PRKAR2B: variants seen among roughly 807,000 people sequenced by gnomAD.
PRKAR2B encodes cAMP-dependent protein kinase type II-beta regulatory subunit.
In PRKAR2B, 14 loss-of-function variants were observed where a neutral mutation model predicts 49.9. That is an observed-to-expected ratio of 0.28 (90% CI 0.19 to 0.44). The LOEUF is 0.44. Ranked by LOEUF, PRKAR2B falls within the 20% of genes least tolerant of loss-of-function variation. PRKAR2B has a pLI of 1.00. For missense variants in PRKAR2B, 393 were observed against 537.9 expected, an observed-to-expected ratio of 0.73 and a Z score of 2.67; for synonymous variants, 196 against 197.7, an observed-to-expected ratio of 0.99 and a Z score of 0.07.
At chr7:107,073,946 C>T (rs1303744791) in intron 2 of PRKAR2B, among the ~76,000 whole-genome samples, 1 of 151,968 alleles carries the variant, frequency 6.6e-6, no homozygotes, top group Non-Finnish European at 1.5e-5. Flanking sequence ...CCTATAGTCC[C>T]AGTTACTCGG....
At chr7:107,113,425 A>T (rs1369964337) in intron 2 of PRKAR2B, among the ~76,000 whole-genome samples, 1 of 152,206 alleles carries the variant, frequency 6.6e-6, no homozygotes, top group African/African-American at 2.4e-5. Flanking sequence ...CTTAAAATTC[A>T]TAATGTTCAT....
intron 2 of PRKAR2B, among the ~76,000 whole-genome samples, chr7:107,093,960 C>T (rs1160669282): frequency 5.3e-5 from 8 of 152,112 alleles, no homozygotes; most frequent in South Asian, 2.1e-4. Flanking sequence ...TGAATAGTGC[C>T]GCAATAAACA....
intron 1 of PRKAR2B, among the ~76,000 whole-genome samples, chr7:107,057,011 A>C (rs1793928398): frequency 6.6e-6 from 1 of 152,172 alleles, no homozygotes; most frequent in Non-Finnish European, 1.5e-5. Flanking sequence ...GCATCTGCTT[A>C]TGTGAACTCT....
chr7:107,072,207 T>C (rs990942585), intron 2 of PRKAR2B, among the ~76,000 whole-genome samples: 1 of 151,772 alleles, frequency 6.6e-6, no homozygotes, highest in African/African-American at 2.4e-5. Flanking sequence ...TAATAAGAAA[T>C]GTCAGTGAAA....
intron 2 of PRKAR2B, among the ~76,000 whole-genome samples, chr7:107,116,919 GTATATGTATGTGTGTATA>G (rs1187038075): frequency 2.3e-4 from 34 of 148,316 alleles, no homozygotes; most frequent in Non-Finnish European, 3.6e-4. Flanking sequence ...ATATATATGT[GTATATGTATGTGTGTATA>G]TATATGTGTG....
intron 2 of PRKAR2B, among the ~76,000 whole-genome samples, chr7:107,092,270 C>CATGTGTCT (rs1236036941): frequency 2.7e-5 from 3 of 110,742 alleles, no homozygotes; most frequent in Admixed American, 9.2e-5. Flanking sequence ...TGTGTGTGTG[C>CATGTGTCT]GTGTGTCTGT....
intron 1 of PRKAR2B, among the ~76,000 whole-genome samples, chr7:107,057,801 C>A (rs943402813): frequency 6.6e-6 from 1 of 151,482 alleles, no homozygotes; most frequent in Non-Finnish European, 1.5e-5. Flanking sequence ...AGGAAACAAA[C>A]AAATACAAGT....
chr7:107,118,376 T>G (rs1455081627), intron 2 of PRKAR2B, among the ~76,000 whole-genome samples: 2 of 151,998 alleles, frequency 1.3e-5, no homozygotes, highest in African/African-American at 4.8e-5. Flanking sequence ...ACAAGTACAT[T>G]ATTGTGAGAT....
chr7:107,070,597 G>C (rs1794247161), intron 2 of PRKAR2B, among the ~76,000 whole-genome samples: 2 of 152,294 alleles, frequency 1.3e-5, no homozygotes, highest in African/African-American at 4.8e-5. Context: ...GAGACTCTCA[G>C]CCCAGGGTGT....
chr7:107,118,874 T>A (rs1352919621), intron 2 of PRKAR2B, among the ~76,000 whole-genome samples: 2 of 152,148 alleles, frequency 1.3e-5, no homozygotes, highest in African/African-American at 4.8e-5. Flanking sequence ...TTATTTTGAT[T>A]TGGCTGCAGA....
rs537406105 is a variant in PRKAR2B, at chr7:107,126,561, C to T, written c.397-1651C>T. ...GAGAAAGACATAAAGTTGACCAGAG[C>T]GAAGCAGGTGCACGATACTGATGCC... On this transcript the variant is annotated intron_variant, in intron 3 of 10. Coordinates refer to ENST00000265717, the MANE Select transcript of PRKAR2B (RefSeq NM_002736.3). 4.6e-5 allele frequency among the ~76,000 whole-genome samples: 7 copies of T among 152,002 alleles called. No homozygotes were observed. In the East Asian group the frequency reaches 9.7e-4, roughly 21 times the overall value.
intron 2 of PRKAR2B, among the ~76,000 whole-genome samples, chr7:107,080,946 A>G (rs970754346): frequency 3.3e-5 from 5 of 152,238 alleles, no homozygotes; most frequent in African/African-American, 1.2e-4. Context: ...GACCTTCTGT[A>G]AAACCAGATT....
intron 1 of PRKAR2B, among the ~76,000 whole-genome samples, chr7:107,061,966 G>A (rs1007802008): frequency 3.3e-5 from 5 of 152,122 alleles, no homozygotes; most frequent in Non-Finnish European, 7.3e-5. Flanking sequence ...TAGTTATCAG[G>A]ATAGTGAAAA....
At chr7:107,117,398 C>A (rs1396998834) in intron 2 of PRKAR2B, among the ~76,000 whole-genome samples, 1 of 152,066 alleles carries the variant, frequency 6.6e-6, no homozygotes, top group Non-Finnish European at 1.5e-5. Flanking sequence ...AGAACATTGG[C>A]AAATTAACTT....
intron 3 of PRKAR2B, among the ~76,000 whole-genome samples, chr7:107,122,342 A>G (rs1225828985): frequency 6.6e-6 from 1 of 152,238 alleles, no homozygotes; most frequent in Non-Finnish European, 1.5e-5. Flanking sequence ...ATTAATTTAT[A>G]ACAACGGAAA....
At chr7:107,111,433 A>T (rs1477491785) in intron 2 of PRKAR2B, among the ~76,000 whole-genome samples, 1 of 152,132 alleles carries the variant, frequency 6.6e-6, no homozygotes, top group East Asian at 1.9e-4. Context: ...GGTGGTAGTC[A>T]CAGCAGGCCT....
intron 3 of PRKAR2B, among the ~76,000 whole-genome samples, chr7:107,127,479 CA>C (rs1362953532): frequency 6.6e-6 from 1 of 152,262 alleles, no homozygotes; most frequent in Non-Finnish European, 1.5e-5. Context: ...ACACACACGG[CA>C]TTCTGCCACT....
chr7:107,095,435 A>T (rs1794817297), intron 2 of PRKAR2B, among the ~76,000 whole-genome samples: 1 of 152,238 alleles, frequency 6.6e-6, no homozygotes, highest in Non-Finnish European at 1.5e-5. Context: ...ATATAAAATC[A>T]TGTCATCTGC....
intron 2 of PRKAR2B, among the ~76,000 whole-genome samples, chr7:107,079,977 C>T (rs1047185385): frequency 6.6e-6 from 1 of 152,172 alleles, no homozygotes; most frequent in African/African-American, 2.4e-5. Flanking sequence ...ACAGGGTGAG[C>T]CTGCTAAAGG....
Sources: allele counts gnomAD v4.1 joint callset (sites outside exome capture counted in the v4.1 genomes callset), GRCh38; gene constraint gnomAD v4.1.1; transcripts MANE v1.5; gene names NCBI Gene and HGNC (gene_info 2026-07-23, HGNC 2026-07-21).